ABHD12B: variants seen among roughly 807,000 people sequenced by gnomAD.
The protein encoded by ABHD12B is abhydrolase domain containing 12B.
Under a neutral mutation model 50.4 loss-of-function variants are expected in ABHD12B, and 42 were observed. The ratio of observed to expected loss-of-function variants is 0.83; its 90% CI spans 0.65 to 1.08. ABHD12B has a LOEUF of 1.08. Ranked by LOEUF, ABHD12B falls within the 50% of genes least tolerant of loss-of-function variation. The probability of loss-of-function intolerance (pLI) is 0.00; values close to 1 mark genes in which losing one functional copy is unlikely to be tolerated. For synonymous variants in ABHD12B, 167 were observed against 160.3 expected (o/e 1.04, Z -0.32); for missense variants, 479 against 447.7 (o/e 1.07, Z -0.63).
chr14:50,894,928 C>T (rs1566492744), intron 9 of ABHD12B, among the ~76,000 whole-genome samples: 1 of 149,154 alleles, frequency 6.7e-6, no homozygotes, highest in Non-Finnish European at 1.5e-5. Flanking sequence ...TTATCGCCTC[C>T]CCTCCTCACA....
intron 11 of ABHD12B, among the ~76,000 whole-genome samples, chr14:50,903,775 G>A (rs982439171): frequency 6.6e-5 from 10 of 152,128 alleles, no homozygotes; most frequent in African/African-American, 2.4e-4. Context: ...AATGGAAGAC[G>A]CAGACTTTTT....
At chr14:50,887,708 C>A (rs192910412) in intron 8 of ABHD12B, among the ~76,000 whole-genome samples, 2 of 152,282 alleles carry the variant, frequency 1.3e-5, no homozygotes, top group Admixed American at 1.3e-4. Context: ...GACAGATCAC[C>A]TTAATCTAAT....
intron 9 of ABHD12B, among the ~76,000 whole-genome samples, chr14:50,894,558 A>C (rs367676030): frequency 6.6e-6 from 1 of 152,172 alleles, no homozygotes; most frequent in Admixed American, 6.5e-5. Context: ...TTCTTCTGCA[A>C]TGCCGCTTGA....
chr14:50,903,474 T>G lies in ABHD12B; in HGVS notation c.942+7T>G. The G allele has an allele frequency of 6.2e-7, 1 of 1,608,896 alleles. No homozygotes were observed. Among genetic ancestry groups the G allele is most frequent in the Non-Finnish European group, 8.5e-7 (1 of 1,176,366 alleles). On this transcript the variant is annotated splice_region_variant and intron_variant, in intron 11 of 12. Transcript: ENST00000337334. ...TTTGGAGTATGGGAAAAAGGTAAACTAAGGGCTCAATGCTGACTGAAATAT... is the reference window on the plus strand; with the variant it reads ...TTTGGAGTATGGGAAAAAGGTAAACGAAGGGCTCAATGCTGACTGAAATAT...
At chr14:50,873,595 A>T (rs903539428) in intron 1 of ABHD12B, among the ~76,000 whole-genome samples, 1 of 152,138 alleles carries the variant, frequency 6.6e-6, no homozygotes, top group Non-Finnish European at 1.5e-5. Context: ...CCTAGAACCC[A>T]TGCCTCCCAG....
chr14:50,892,677 A>G (rs1391099744), intron 9 of ABHD12B: 1 of 812,808 alleles, frequency 1.2e-6, no homozygotes, highest in Non-Finnish European at 1.5e-6. Flanking sequence ...TCCCTTTCTC[A>G]TATGTTCTTT....
intron 5 of ABHD12B, among the ~76,000 whole-genome samples, 178 bp from the exon 6 acceptor site, chr14:50,885,436 G>A (rs1035283375): frequency 2.0e-5 from 3 of 151,870 alleles, no homozygotes; most frequent in Admixed American, 1.3e-4. Context: ...TATCTTCATC[G>A]AATACAAAAT....
At chr14:50,874,779 C>T (rs765101489) in intron 1 of ABHD12B, among the ~76,000 whole-genome samples, 19 of 152,098 alleles carry the variant, frequency 1.2e-4, no homozygotes, top group South Asian at 6.2e-4. Context: ...CTTTCCACAG[C>T]GTTGGTTCTT....
chr14:50,888,672 G>T, intron 8 of ABHD12B, 152 bp from the exon 9 acceptor site: 1 of 630,388 alleles, frequency 1.6e-6, no homozygotes, highest in East Asian at 2.9e-5. Flanking sequence ...TAAATATGAG[G>T]TGGGGTCCAG....
At chr14:50,888,348 C>T (rs1175977425) in intron 8 of ABHD12B, among the ~76,000 whole-genome samples, 10 of 151,958 alleles carry the variant, frequency 6.6e-5, no homozygotes, top group Admixed American at 5.9e-4. Flanking sequence ...GGACTACAGG[C>T]GTGCACCACC....
intron 9 of ABHD12B, among the ~76,000 whole-genome samples, chr14:50,895,007 A>C (rs2050176827): frequency 6.7e-6 from 1 of 149,442 alleles, no homozygotes. Context: ...TACTCTTAAA[A>C]AGGTGGCTGG....
chr14:50,904,202 GC>G lies in ABHD12B; in HGVS notation c.1061+11del. On this transcript the variant is annotated intron_variant, in intron 12 of 12. Coordinates refer to ENST00000337334, the MANE Select transcript of ABHD12B (RefSeq NM_001206673.2). ...TGTTAATAACCGTGAGGTAAGAGTT[GC>G]TTTGCTAAATGTATGTTGCCCTTCA... The G allele has an allele frequency of 6.2e-7, 1 of 1,613,950 alleles. No individual in the cohort carries two copies. The highest frequency in any genetic ancestry group is 1.1e-5 in the South Asian group (1 of 91,070).
chr14:50,888,511 T>G (rs1384253847), intron 8 of ABHD12B, among the ~76,000 whole-genome samples: 1 of 151,988 alleles, frequency 6.6e-6, no homozygotes, highest in Non-Finnish European at 1.5e-5. Flanking sequence ...CTTGCTTTCT[T>G]GTTGTCCAAG....
Position 50,885,594 on chromosome 14 carries a change from A to G in ABHD12B, c.487-20A>G. On this transcript the variant is annotated intron_variant, in intron 5 of 12. Coordinates refer to ENST00000337334, the MANE Select transcript of ABHD12B (RefSeq NM_001206673.2). ...TTTTCATCTTCTAATTAAAGTGATAACAGCTCCTTTGTTACCTAGGTGCTG... is the reference window on the plus strand; with the variant it reads ...TTTTCATCTTCTAATTAAAGTGATAGCAGCTCCTTTGTTACCTAGGTGCTG... The G allele has an allele frequency of 6.2e-7, 1 of 1,614,082 alleles. No individual in the cohort carries two copies. Among genetic ancestry groups the G allele is most frequent in the Non-Finnish European group, 8.5e-7 (1 of 1,179,932 alleles).
At chr14:50,902,012 T>C (rs905773536) in intron 10 of ABHD12B, 101 bp downstream of exon 10, 4 of 689,880 alleles carry the variant, frequency 5.8e-6, no homozygotes, top group Non-Finnish European at 9.4e-6. Flanking sequence ...ACATCCTGAA[T>C]ATCATTCTTA....
intron 9 of ABHD12B, among the ~76,000 whole-genome samples, chr14:50,897,032 G>T (rs1396090374): frequency 6.8e-6 from 1 of 147,956 alleles, no homozygotes; most frequent in African/African-American, 2.5e-5. Flanking sequence ...AGGTTATGTT[G>T]TTAGGTACAT....
intron 9 of ABHD12B, among the ~76,000 whole-genome samples, chr14:50,895,339 C>T (rs1454606365): frequency 2.6e-5 from 4 of 151,620 alleles, no homozygotes; most frequent in African/African-American, 9.8e-5. Context: ...CTTGCCTCCA[C>T]TGTGAGACAA....
At chr14:50,881,485 A>G in intron 4 of ABHD12B, 111 bp from the exon 5 acceptor site, 1 of 1,155,436 alleles carries the variant, frequency 8.7e-7, no homozygotes, top group Non-Finnish European at 1.2e-6. Context: ...CCAACCTGAA[A>G]GAGAAAGGCG....
At chr14:50,875,670 C>T (rs1443109088) in intron 1 of ABHD12B, among the ~76,000 whole-genome samples, 2 of 152,186 alleles carry the variant, frequency 1.3e-5, no homozygotes, top group African/African-American at 2.4e-5. Context: ...CTTTTGATCC[C>T]TTACTGATCT....
Sources: allele counts gnomAD v4.1 joint callset (sites outside exome capture counted in the v4.1 genomes callset), GRCh38; gene constraint gnomAD v4.1.1; transcripts MANE v1.5; gene names NCBI Gene and HGNC (gene_info 2026-07-23, HGNC 2026-07-21).